DYM: variants seen among roughly 807,000 people sequenced by gnomAD.
DYM encodes the protein dyggve-Melchior-Clausen syndrome protein.
DYM carries 78 observed loss-of-function variants against 93.1 expected under a neutral mutation model. The observed-to-expected ratio is 0.84, with a 90% CI of 0.70 to 1.01. The LOEUF (loss-of-function observed/expected upper bound fraction) is 1.01. DYM is among the 50% of genes least tolerant of loss of function. DYM has a pLI of 0.00. For missense variants in DYM, 789 were observed against 845.0 expected, an observed-to-expected ratio of 0.93 and a Z score of 0.82; for synonymous variants, 321 against 319.7, an observed-to-expected ratio of 1.00 and a Z score of -0.04.
chr18:49,096,775 C>A (rs942597680), intron 17 of DYM, among the ~76,000 whole-genome samples: 2 of 152,158 alleles, frequency 1.3e-5, no homozygotes, highest in Non-Finnish European at 2.9e-5. Flanking sequence ...ACCTTCTCCA[C>A]GAAGTGCATC....
At chr18:49,231,595 T>A (rs2093696612) in intron 13 of DYM, among the ~76,000 whole-genome samples, 1 of 152,246 alleles carries the variant, frequency 6.6e-6, no homozygotes, top group African/African-American at 2.4e-5. Context: ...CACTGTCCTA[T>A]GTGAAAGATA....
At chr18:49,379,833 A>G in intron 3 of DYM, 75 bp from the exon 4 acceptor site, 1 of 1,201,564 alleles carries the variant, frequency 8.3e-7, no homozygotes, top group Admixed American at 1.7e-5. Flanking sequence ...TAACATTTAT[A>G]AAACCAAATG....
rs189845045 is a variant in DYM, at chr18:49,114,140, A to G, written c.1911+4604T>C. On this transcript the variant is annotated intron_variant, in intron 16 of 17. Transcript: ENST00000675505. ...CCAAGACAATGATCCTTAGGCAGGA[A>G]TGTATATTAATAGCATCTGAGAAAC... is the stretch of plus-strand genomic sequence containing the variant. Among the ~76,000 whole-genome samples, 442 of 152,328 alleles carry G rather than the reference A, an allele frequency of 2.9e-3. 1 individual carries two copies. The highest frequency in any genetic ancestry group is 4.1e-3 in the Non-Finnish European group (279 of 68,018).
intron 1 of DYM, among the ~76,000 whole-genome samples, chr18:49,451,715 T>A (rs1404317821): frequency 6.6e-6 from 1 of 152,216 alleles, no homozygotes; most frequent in African/African-American, 2.4e-5. Context: ...AGACTAAGGT[T>A]TATTCTACAA....
chr18:49,207,420 GTGA>G (rs1202097486), intron 14 of DYM, among the ~76,000 whole-genome samples: 1 of 152,360 alleles, frequency 6.6e-6, no homozygotes, highest in East Asian at 1.9e-4. Context: ...GAAGCATAGT[GTGA>G]TGATGTTTTA....
At chr18:49,191,573 A>G (rs2090980368) in intron 14 of DYM, among the ~76,000 whole-genome samples, 1 of 152,188 alleles carries the variant, frequency 6.6e-6, no homozygotes, top group Non-Finnish European at 1.5e-5. Flanking sequence ...ACCAGACTAA[A>G]TGGAAAATAA....
At chr18:49,364,087 T>C (rs1012543975) in intron 5 of DYM, among the ~76,000 whole-genome samples, 3 of 152,190 alleles carry the variant, frequency 2.0e-5, no homozygotes, top group African/African-American at 7.2e-5. Context: ...AGTTCCACCA[T>C]TGTCATGCTT....
At chr18:49,255,953 G>A (rs573846227) in intron 13 of DYM, among the ~76,000 whole-genome samples, 80 of 151,310 alleles carry the variant, frequency 5.3e-4, no homozygotes, top group Admixed American at 7.2e-4. Flanking sequence ...GTGTGGTGGC[G>A]GGCACCTGTA....
chr18:49,238,193 A>ATT (rs1208475725), intron 13 of DYM, among the ~76,000 whole-genome samples: 1 of 152,098 alleles, frequency 6.6e-6, no homozygotes, highest in Non-Finnish European at 1.5e-5. Context: ...TGGAAAATGG[A>ATT]TTTTTCTAAT....
chr18:49,336,270 G>T (rs1281351629), intron 6 of DYM, among the ~76,000 whole-genome samples: 1 of 152,040 alleles, frequency 6.6e-6, no homozygotes, highest in Non-Finnish European at 1.5e-5. Flanking sequence ...ATAATTACTA[G>T]GTCTAATAAC....
intron 3 of DYM, 124 bp from the exon 4 acceptor site, chr18:49,379,882 T>A: frequency 1.4e-6 from 1 of 739,520 alleles, no homozygotes. Flanking sequence ...TTACTGTTAA[T>A]TTCATACCTA....
At chr18:49,431,463 T>G (rs1482242238) in intron 1 of DYM, among the ~76,000 whole-genome samples, 1 of 152,214 alleles carries the variant, frequency 6.6e-6, no homozygotes, top group African/African-American at 2.4e-5. Context: ...TCAGTATTGG[T>G]TGTTCTCAGT....
intron 2 of DYM, among the ~76,000 whole-genome samples, chr18:49,411,427 T>C (rs563898819): frequency 6.6e-6 from 1 of 152,328 alleles, no homozygotes; most frequent in East Asian, 1.9e-4. Flanking sequence ...TTGTAACTGC[T>C]ATGAAATCAT....
intron 8 of DYM, among the ~76,000 whole-genome samples, chr18:49,303,476 C>CTATG (rs1461158387): frequency 6.6e-6 from 1 of 152,190 alleles, no homozygotes; most frequent in Non-Finnish European, 1.5e-5. Context: ...AGAAGGCTGC[C>CTATG]TATGACCTGG....
intron 17 of DYM, among the ~76,000 whole-genome samples, chr18:49,089,207 C>T (rs1272769457): frequency 6.6e-6 from 1 of 152,128 alleles, no homozygotes; most frequent in Non-Finnish European, 1.5e-5. Flanking sequence ...AAAATACCTA[C>T]CAGAGCACCT....
intron 14 of DYM, among the ~76,000 whole-genome samples, chr18:49,200,235 A>C (rs2091882663): frequency 6.6e-6 from 1 of 152,080 alleles, no homozygotes; most frequent in African/African-American, 2.4e-5. Flanking sequence ...AATTTATTTA[A>C]ATTTGCATAA....
At chr18:49,279,559 C>T (rs1297679306) in intron 10 of DYM, among the ~76,000 whole-genome samples, 1 of 152,178 alleles carries the variant, frequency 6.6e-6, no homozygotes, top group Non-Finnish European at 1.5e-5. Context: ...CAACACAAAA[C>T]CTTTTAACCT....
chr18:49,176,366 C>T (rs1331034259), intron 14 of DYM, among the ~76,000 whole-genome samples: 1 of 151,964 alleles, frequency 6.6e-6, no homozygotes, highest in African/African-American at 2.4e-5. Context: ...TCCACAAAAA[C>T]ATTCATGCAA....
chr18:49,068,601 G>A lies in DYM; in HGVS notation c.2026-24397C>T, dbSNP rs1297929176. On this transcript the variant is annotated intron_variant, in intron 17 of 17. Transcript: ENST00000675505. Reference sequence around the variant, plus strand: ...GAGGTGAGGAGTATATGACAAGCCAGAACAACTCCAAAAATGAACTGGGTA... The same window carrying A: ...GAGGTGAGGAGTATATGACAAGCCAAAACAACTCCAAAAATGAACTGGGTA... Among the ~76,000 whole-genome samples, 4 of 152,316 alleles carry A rather than the reference G, an allele frequency of 2.6e-5. No homozygotes were observed. The East Asian group carries it at 7.7e-4, about 29-fold the overall frequency.
Sources: allele counts gnomAD v4.1 joint callset (sites outside exome capture counted in the v4.1 genomes callset), GRCh38; gene constraint gnomAD v4.1.1; transcripts MANE v1.5; gene names NCBI Gene and HGNC (gene_info 2026-07-23, HGNC 2026-07-21).